Variants in MAPT observed in about 807,000 individuals in gnomAD.
MAPT encodes microtubule associated protein tau, also known as microtubule-associated protein tau.
MAPT carries 34 observed loss-of-function variants against 67.9 expected under a neutral mutation model. That is an observed-to-expected ratio of 0.50 (90% CI 0.38 to 0.67). The LOEUF is 0.67. Among genes scored for constraint, MAPT ranks in the 30% least tolerant of loss-of-function variants. The pLI, the probability that MAPT is intolerant of heterozygous loss-of-function variation, is 0.00. For missense variants in MAPT, 881 were observed against 1,115.2 expected, an observed-to-expected ratio of 0.79 and a Z score of 2.99; for synonymous variants, 456 against 464.5, an observed-to-expected ratio of 0.98 and a Z score of 0.23.
chr17:45,958,613 C>G (rs539186654), intron 1 of MAPT, among the ~76,000 whole-genome samples: 5 of 151,780 alleles, frequency 3.3e-5, no homozygotes, highest in African/African-American at 1.2e-4. Context: ...CCCAGCTACT[C>G]AGGAGGCTGA....
intron 1 of MAPT, among the ~76,000 whole-genome samples, chr17:45,957,429 C>T (rs1304302982): frequency 6.6e-6 from 1 of 152,206 alleles, no homozygotes; most frequent in Non-Finnish European, 1.5e-5. Flanking sequence ...AGGTTTCCCA[C>T]TGAGGGAATC....
In MAPT at chr17:45,987,020, C is replaced by A; in HGVS notation, c.1352-20C>A. 2 of 1,611,228 alleles carry A rather than the reference C, an allele frequency of 1.2e-6. No individual in the cohort carries two copies. The highest frequency in any genetic ancestry group is 1.7e-6 in the Non-Finnish European group (2 of 1,177,702). On this transcript the variant is annotated intron_variant, in intron 5 of 12. Transcript: ENST00000262410. ...GTGAAAATGGAGTGTGACAAGCATTCTTATTTTATATTTTATCAGCTCGCA... is the reference window on the plus strand; with the variant it reads ...GTGAAAATGGAGTGTGACAAGCATTATTATTTTATATTTTATCAGCTCGCA...
rs144611688 is a variant in MAPT, at chr17:45,962,387, C to T, written c.50C>T (p.Thr17Met). 1.5e-4 allele frequency: 249 copies of T among 1,612,588 alleles called. 1 individual carries two copies. The African/African-American group carries it at 2.8e-3, about 18-fold the overall frequency. The change falls in exon 2 of 13, where the codon ACG (threonine) becomes ATG (methionine). Residue 17 changes from threonine to methionine, a missense_variant. Transcript: ENST00000262410. ...EFEVMEDHAG[T>M]YGLGDRKDQG... ...GAAGTGATGGAAGATCACGCTGGGACGTACGGGTTGGGGGACAGGAAAGAT... is the reference window on the plus strand; with the variant it reads ...GAAGTGATGGAAGATCACGCTGGGATGTACGGGTTGGGGGACAGGAAAGAT...
At position 45,967,031 on chromosome 17, in the gene MAPT, G is replaced by A. The variant is rs1005242409; in HGVS notation, c.133+4561G>A. Among the ~76,000 whole-genome samples the A allele has an allele frequency of 2.0e-5, 3 of 152,174 alleles. 1 individual carries two copies. In the South Asian group the frequency reaches 6.2e-4, roughly 32 times the overall value. ...TGTGACAGGTTTGACTTGGCAGAAGGTGTCACTTTACTAACAACATTTTAA... is the reference window on the plus strand; with the variant it reads ...TGTGACAGGTTTGACTTGGCAGAAGATGTCACTTTACTAACAACATTTTAA... On this transcript the variant is annotated intron_variant, in intron 2 of 12. Transcript: ENST00000262410.
intron 9 of MAPT, among the ~76,000 whole-genome samples, chr17:45,998,270 G>C (rs1189878264): frequency 6.8e-6 from 1 of 147,580 alleles, no homozygotes; most frequent in Non-Finnish European, 1.5e-5. Flanking sequence ...CCCTGCCCCC[G>C]AACAAGCTTG....
At position 46,024,009 on chromosome 17, in the gene MAPT, C is replaced by T. The variant is rs377084749; in HGVS notation, c.2340C>T (p.His780=). ...FRENAKAKTD[H]GAEIVYKSPV... ...AGAACGCCAAAGCCAAGACAGACCA[C>T]GGGGCGGAGATCGTGTACAAGTCGC... Residue 780 remains histidine, a synonymous_variant, in exon 13 of 13, where the codon CAC becomes CAT. Coordinates refer to ENST00000262410, the MANE Select transcript of MAPT (RefSeq NM_001377265.1). The T allele has an allele frequency of 1.4e-5, 22 of 1,614,020 alleles. No homozygotes were observed. The highest frequency in any genetic ancestry group is 4.4e-5 in the South Asian group (4 of 91,088).
chr17:46,012,311 G>A (rs908909996), intron 10 of MAPT, among the ~76,000 whole-genome samples: 10 of 152,300 alleles, frequency 6.6e-5, no homozygotes, highest in African/African-American at 2.4e-4. Flanking sequence ...CCGCCCGTGT[G>A]TCCCGCGCTG....
At chr17:45,989,781 C>T (rs2073914262) in intron 6 of MAPT, 97 bp from the exon 7 acceptor site, 1 of 1,095,376 alleles carries the variant, frequency 9.1e-7, no homozygotes, top group South Asian at 1.2e-5. Flanking sequence ...CAACCATTAC[C>T]TGCCTTATTT....
intron 1 of MAPT, among the ~76,000 whole-genome samples, chr17:45,903,201 C>T (rs575307401): frequency 5.3e-5 from 8 of 152,258 alleles, no homozygotes; most frequent in South Asian, 4.1e-4. Context: ...CCTCCCCCAG[C>T]GTAAAGGACA....
intron 12 of MAPT, among the ~76,000 whole-genome samples, chr17:46,019,181 C>A (rs911267971): frequency 1.3e-5 from 2 of 152,126 alleles, no homozygotes; most frequent in East Asian, 3.9e-4. Context: ...GCATTTCTTA[C>A]ATGGCGACAG....
chr17:46,017,883 T>G (rs1351916413), intron 11 of MAPT, among the ~76,000 whole-genome samples: 1 of 151,300 alleles, frequency 6.6e-6, no homozygotes, highest in African/African-American at 2.4e-5. Context: ...CAGTGGCTCA[T>G]GCCTGTAATC....
At chr17:45,957,160 G>C (rs958798151) in intron 1 of MAPT, among the ~76,000 whole-genome samples, 18 of 152,186 alleles carry the variant, frequency 1.2e-4, no homozygotes, top group Admixed American at 1.2e-3. Flanking sequence ...CTAGATCCCT[G>C]AGGAATCGCC....
chr17:45,994,084 C>A, intron 8 of MAPT: 1 of 1,101,714 alleles, frequency 9.1e-7, no homozygotes, highest in Non-Finnish European at 1.3e-6. Context: ...ATGCAGGGTT[C>A]ACACAGGGTT....
intron 1 of MAPT, among the ~76,000 whole-genome samples, chr17:45,920,133 A>T (rs75046472): frequency 0.14 from 21,834 of 152,232 alleles, 2,140 homozygotes; most frequent in Middle Eastern, 0.22. Context: ...CCACAGGCAG[A>T]ACGTACACAG....
chr17:45,962,569 T>C, intron 2 of MAPT, 99 bp downstream of exon 2: 3 of 1,447,578 alleles, frequency 2.1e-6, no homozygotes, highest in Non-Finnish European at 2.8e-6. Flanking sequence ...TTAAATACAT[T>C]ATTGTCTTAG....
chr17:46,017,277 C>CTTAT (rs1327093195), intron 11 of MAPT, among the ~76,000 whole-genome samples: 5 of 151,910 alleles, frequency 3.3e-5, no homozygotes, highest in African/African-American at 4.8e-5. Flanking sequence ...AGAAAGGGTC[C>CTTAT]TTATTTATTT....
intron 1 of MAPT, among the ~76,000 whole-genome samples, chr17:45,939,522 G>T (rs560021206): frequency 7.2e-5 from 11 of 152,278 alleles, no homozygotes; most frequent in African/African-American, 2.4e-4. Context: ...TCCTTTGGAT[G>T]CTTCTTATAA....
In MAPT at chr17:45,996,457, T is replaced by C; in HGVS notation, c.1791T>C (p.Thr597=). 2.5e-6 allele frequency: 4 copies of C among 1,612,284 alleles called. 1 individual carries two copies. Among genetic ancestry groups the C allele is most frequent in the Middle Eastern group, 3.3e-4 (2 of 6,062 alleles). Reference sequence around the variant, plus strand: ...ACAGCAGCCCCGGCTCCCCAGGCACTCCCGGCAGCCGCTCCCGCACCCCGT... The same window carrying C: ...ACAGCAGCCCCGGCTCCCCAGGCACCCCCGGCAGCCGCTCCCGCACCCCGT... ...SGYSSPGSPG[T]PGSRSRTPSL... Residue 597 remains threonine (T), a synonymous_variant, in exon 9 of 13, where the codon ACT becomes ACC. Transcript: ENST00000262410. This position sits in a 1 kb window ranked among gnomAD's most constrained non-coding sequence, Gnocchi z 4.5.
chr17:45,976,333 G>A (rs1179907038), intron 3 of MAPT: 2 of 151,520 alleles, frequency 1.3e-5, no homozygotes, highest in Non-Finnish European at 2.9e-5. Context: ...TGTCCTCAAT[G>A]TATTGCCTTG....
Sources: gnomAD v4.1 joint callset for allele counts (sites outside exome capture counted in the v4.1 genomes callset) on GRCh38, gnomAD v4.1.1 for gene constraint, Gnocchi (gnomAD v3.1) non-coding constraint, MANE v1.5 for transcripts, NCBI Gene and HGNC (gene_info 2026-07-23, HGNC 2026-07-21) for gene names.